SNTG1: variants seen among roughly 807,000 people sequenced by gnomAD.
The protein encoded by SNTG1 is syntrophin gamma 1, also known as gamma-1-syntrophin.
SNTG1 carries 39 observed loss-of-function variants against 74.7 expected under a neutral mutation model. The ratio of observed to expected loss-of-function variants is 0.52; its 90% CI spans 0.40 to 0.68. SNTG1 has a LOEUF of 0.68. Ranked by LOEUF, SNTG1 falls within the 30% of genes least tolerant of loss-of-function variation. The probability of loss-of-function intolerance (pLI) is 0.00; values close to 1 mark genes in which losing one functional copy is unlikely to be tolerated. For synonymous variants in SNTG1, 254 were observed against 217.1 expected, an observed-to-expected ratio of 1.17 and a Z score of -1.49; for missense variants, 685 against 609.5, an observed-to-expected ratio of 1.12 and a Z score of -1.30.
rs16914325 is a variant in SNTG1, at chr8:50,143,355, G to T, written c.-102-29206G>T. Among the ~76,000 whole-genome samples the T allele has an allele frequency of 7.9e-3, 1,209 of 152,166 alleles. 16 individuals are homozygous for T. The highest frequency in any genetic ancestry group is 0.028 in the African/African-American group (1,165 of 41,504). ...TTTTATTGAGAAAAACGTTGTGTTT[G>T]TTCCTTATCCTCCCTTGGCATTAAA... On this transcript the variant is annotated intron_variant, in intron 1 of 18. Transcript: ENST00000642720.
chr8:50,300,459 G>T (rs2089597337), intron 2 of SNTG1, among the ~76,000 whole-genome samples: 1 of 152,070 alleles, frequency 6.6e-6, no homozygotes, highest in East Asian at 1.9e-4. Context: ...ATTATTCTTG[G>T]TTTTTCTTTG....
intron 2 of SNTG1, among the ~76,000 whole-genome samples, chr8:50,205,381 G>T (rs2084174281): frequency 2.0e-5 from 3 of 152,168 alleles, no homozygotes; most frequent in Admixed American, 6.5e-5. Flanking sequence ...TTTGAGAAGT[G>T]TCTGTTCATA....
At chr8:50,398,125 TC>T (rs1475250778) in intron 3 of SNTG1, among the ~76,000 whole-genome samples, 2 of 152,216 alleles carry the variant, frequency 1.3e-5, no homozygotes, top group African/African-American at 4.8e-5. Flanking sequence ...GTTCCCAACT[TC>T]CCTGCTCAGT....
At chr8:50,649,163 T>C (rs1400422393) in intron 13 of SNTG1, among the ~76,000 whole-genome samples, 3 of 152,182 alleles carry the variant, frequency 2.0e-5, no homozygotes, top group Non-Finnish European at 1.5e-5. Context: ...GGCACATAGT[T>C]GGGACTACTA....
At chr8:50,421,059 G>GGGGGC (rs2093079468) in intron 4 of SNTG1, among the ~76,000 whole-genome samples, 1 of 109,658 alleles carries the variant, frequency 9.1e-6, no homozygotes, top group African/African-American at 3.2e-5. Flanking sequence ...GGGAGGGGGG[G>GGGGGC]GCGAAGATAA....
chr8:50,575,649 G>A (rs1459023219), intron 12 of SNTG1: 1 of 152,230 alleles, frequency 6.6e-6, no homozygotes, highest in Non-Finnish European at 1.5e-5. Flanking sequence ...ATCGTTGATT[G>A]CTTGTGTGTC....
At chr8:49,926,082 C>T (rs1226305173) in intron 1 of SNTG1, among the ~76,000 whole-genome samples, 1 of 152,058 alleles carries the variant, frequency 6.6e-6, no homozygotes, top group African/African-American at 2.4e-5. Flanking sequence ...TGGTTTTTTA[C>T]TGGTTGCCTT....
chr8:50,321,234 A>T (rs548660160), intron 2 of SNTG1, among the ~76,000 whole-genome samples: 1 of 152,106 alleles, frequency 6.6e-6, no homozygotes, highest in African/African-American at 2.4e-5. Context: ...GTGCATATAT[A>T]TGAACAATTG....
At position 50,793,063 on chromosome 8, in the gene SNTG1, A is replaced by T. The variant is rs1316270024; in HGVS notation, c.*234A>T. 2 of 358,516 alleles carry T rather than the reference A, an allele frequency of 5.6e-6. No individual in the cohort carries two copies. The highest frequency in any genetic ancestry group is 4.2e-5 in the African/African-American group (2 of 47,606). The allele number at this position is 358,516 out of a possible 1,614,324, so 22.2% of individuals were successfully genotyped here. ...TGTTCTCACTCAGTTGCTTTGTACC[A>T]GTAAGTGTATTGCTTTCACCAAAAG... On this transcript the variant is annotated 3_prime_UTR_variant, in exon 19 of 19. Coordinates refer to ENST00000642720, the MANE Select transcript of SNTG1 (RefSeq NM_018967.5).
intron 17 of SNTG1, among the ~76,000 whole-genome samples, chr8:50,734,759 A>C (rs538639869): frequency 1.5e-4 from 17 of 114,028 alleles, no homozygotes; most frequent in Admixed American, 4.9e-4. Context: ...ATAGATATCT[A>C]TATATATGGA....
chr8:49,924,848 C>T (rs1806872336), intron 1 of SNTG1, among the ~76,000 whole-genome samples: 1 of 151,614 alleles, frequency 6.6e-6, no homozygotes, highest in Non-Finnish European at 1.5e-5. Context: ...GGTTGAATTC[C>T]CTTCGTAGAT....
At chr8:50,381,152 T>C (rs2092472392) in intron 2 of SNTG1, 1 of 152,200 alleles carries the variant, frequency 6.6e-6, no homozygotes, top group Admixed American at 6.5e-5. Flanking sequence ...ATTGCAGTTC[T>C]CATCTCCATA....
chr8:50,282,512 G>A (rs186587403), intron 2 of SNTG1, among the ~76,000 whole-genome samples: 2 of 152,078 alleles, frequency 1.3e-5, no homozygotes, highest in Non-Finnish European at 2.9e-5. Flanking sequence ...TTTTAGCCAG[G>A]TGCTAGACCA....
intron 13 of SNTG1, among the ~76,000 whole-genome samples, chr8:50,649,323 C>T (rs896965756): frequency 6.6e-6 from 1 of 151,974 alleles, no homozygotes; most frequent in Non-Finnish European, 1.5e-5. Flanking sequence ...CATGGTGAAA[C>T]CCCCTCTCTA....
At chr8:50,171,824 T>C (rs1346688850) in intron 1 of SNTG1, among the ~76,000 whole-genome samples, 2 of 152,168 alleles carry the variant, frequency 1.3e-5, no homozygotes, top group Non-Finnish European at 2.9e-5. Flanking sequence ...TTATTTTCAA[T>C]AAGCTACAGA....
chr8:50,409,245 G>T (rs547658632), intron 4 of SNTG1, among the ~76,000 whole-genome samples: 1 of 152,256 alleles, frequency 6.6e-6, no homozygotes, highest in South Asian at 2.1e-4. Flanking sequence ...AGAAACTTGT[G>T]TCAACATTTT....
intron 18 of SNTG1, among the ~76,000 whole-genome samples, chr8:50,766,875 TTGATA>T (rs937593223): frequency 9.2e-5 from 14 of 151,930 alleles, no homozygotes; most frequent in African/African-American, 2.9e-4. Flanking sequence ...AATCACCATC[TTGATA>T]TGATATATTT....
At chr8:50,542,090 T>TATG (rs2094352043) in intron 11 of SNTG1, among the ~76,000 whole-genome samples, 1 of 148,060 alleles carries the variant, frequency 6.8e-6, no homozygotes, top group African/African-American at 2.5e-5. Flanking sequence ...TACATATATA[T>TATG]GAATGTAGTA....
At chr8:50,709,367 G>T (rs1219754913) in intron 17 of SNTG1, among the ~76,000 whole-genome samples, 2 of 150,982 alleles carry the variant, frequency 1.3e-5, no homozygotes, top group Admixed American at 6.6e-5. Context: ...CAAAAAGAAA[G>T]AAAACATGTT....
Sources: gnomAD v4.1 joint callset for allele counts (sites outside exome capture counted in the v4.1 genomes callset) on GRCh38, gnomAD v4.1.1 for gene constraint, MANE v1.5 for transcripts, NCBI Gene and HGNC (gene_info 2026-07-23, HGNC 2026-07-21) for gene names.